The following OPCML variants were observed in gnomAD, a reference collection of about 807,000 sequenced individuals.
OPCML encodes the protein opioid binding protein/cell adhesion molecule like.
A neutral mutation model predicts 37.8 loss-of-function variants in OPCML; 13 were observed. That is an observed-to-expected ratio of 0.34 (90% CI 0.22 to 0.55). The LOEUF (loss-of-function observed/expected upper bound fraction) is 0.55, where lower values mean the gene tolerates loss of function less well. Ranked by LOEUF, OPCML falls within the 20% of genes least tolerant of loss-of-function variation. OPCML has a pLI of 0.91. For missense variants in OPCML, 341 were observed against 435.6 expected, an observed-to-expected ratio of 0.78 and a Z score of 1.93; for synonymous variants, 176 against 168.8, an observed-to-expected ratio of 1.04 and a Z score of -0.33.
At chr11:133,197,985 C>G (rs1255594084) in intron 1 of OPCML, among the ~76,000 whole-genome samples, 1 of 152,204 alleles carries the variant, frequency 6.6e-6, no homozygotes, top group African/African-American at 2.4e-5. Context: ...CTCACAAAAC[C>G]TATCAACCCA....
At chr11:133,429,463 AG>A (rs1270736093) in intron 1 of OPCML, among the ~76,000 whole-genome samples, 14 of 152,350 alleles carry the variant, frequency 9.2e-5, no homozygotes, top group Non-Finnish European at 1.9e-4. Flanking sequence ...GAGGCATGGC[AG>A]GATCTGATTT....
chr11:132,944,263 A>C (rs2136681782), intron 1 of OPCML, among the ~76,000 whole-genome samples: 1 of 152,266 alleles, frequency 6.6e-6, no homozygotes, highest in East Asian at 1.9e-4. Flanking sequence ...CTGAAAACTG[A>C]CACTGGCACC....
intron 3 of OPCML, among the ~76,000 whole-genome samples, chr11:132,554,863 GTTTTTTTTTT>G (rs5795789): frequency 7.8e-5 from 5 of 64,028 alleles, no homozygotes; most frequent in Admixed American, 3.0e-4. Context: ...ATGGGGTAAA[GTTTTTTTTTT>G]TTTTTTTTTT....
intron 1 of OPCML, among the ~76,000 whole-genome samples, chr11:133,094,531 A>T (rs528689316): frequency 1.3e-5 from 2 of 152,298 alleles, no homozygotes; most frequent in Admixed American, 6.5e-5. Flanking sequence ...GGTATTACTG[A>T]TGTTTTTACA....
At chr11:133,478,384 T>C (rs929658508) in intron 1 of OPCML, among the ~76,000 whole-genome samples, 1 of 152,172 alleles carries the variant, frequency 6.6e-6, no homozygotes, top group Non-Finnish European at 1.5e-5. Context: ...TAAGAGACTT[T>C]AGTGACCTGA....
At chr11:133,318,314 CAGT>C (rs2136613818) in intron 1 of OPCML, among the ~76,000 whole-genome samples, 1 of 152,330 alleles carries the variant, frequency 6.6e-6, no homozygotes, top group South Asian at 2.1e-4. Flanking sequence ...CCTGCAAAGT[CAGT>C]TTACGAAGAA....
chr11:132,922,163 C>A (rs1944829699), intron 2 of OPCML, among the ~76,000 whole-genome samples: 1 of 152,278 alleles, frequency 6.6e-6, no homozygotes. Flanking sequence ...TAGATGTGAG[C>A]CACTACCCCC....
intron 1 of OPCML, among the ~76,000 whole-genome samples, chr11:133,372,988 A>G (rs929838768): frequency 7.2e-5 from 11 of 152,180 alleles, no homozygotes; most frequent in Non-Finnish European, 1.5e-4. Context: ...TCTGTATACC[A>G]AAATACAAAA....
rs560551189 is a variant in OPCML, at chr11:133,057,036, G to C, written c.62-114026C>G. 5.8e-4 allele frequency among the ~76,000 whole-genome samples: 89 copies of C among 152,216 alleles called. 2 individuals carry two copies. The highest frequency in any genetic ancestry group is 2.0e-3 in the African/African-American group (85 of 41,530). ...TTTTGTATTTTTTAGTAGAGACGGG[G>C]TTTCTCCATGTTGGTCAGGCTGGTC... is the stretch of plus-strand genomic sequence containing the variant. On this transcript the variant is annotated intron_variant, in intron 1 of 7. Transcript: ENST00000524381.
At chr11:133,155,064 C>T (rs562407202) in intron 1 of OPCML, among the ~76,000 whole-genome samples, 2 of 152,068 alleles carry the variant, frequency 1.3e-5, no homozygotes, top group African/African-American at 4.8e-5. Flanking sequence ...AGGGGAAATT[C>T]ACCTCTTATG....
intron 1 of OPCML, among the ~76,000 whole-genome samples, chr11:133,448,700 G>A (rs1020962998): frequency 8.5e-5 from 13 of 152,056 alleles, no homozygotes; most frequent in African/African-American, 1.9e-4. Flanking sequence ...TCAGGTGATC[G>A]CCCGCCTCAG....
At chr11:132,494,962 C>T (rs1025128531) in intron 4 of OPCML, among the ~76,000 whole-genome samples, 7 of 151,628 alleles carry the variant, frequency 4.6e-5, no homozygotes, top group African/African-American at 1.7e-4. Flanking sequence ...TCAGACCCTA[C>T]AGGGAATACA....
At chr11:133,514,696 A>T (rs1243732081) in intron 1 of OPCML, among the ~76,000 whole-genome samples, 1 of 152,184 alleles carries the variant, frequency 6.6e-6, no homozygotes, top group Admixed American at 6.5e-5. Context: ...AACTGTACGT[A>T]GGTCTGCACT....
At chr11:133,490,007 C>T (rs1947621144) in intron 1 of OPCML, among the ~76,000 whole-genome samples, 1 of 152,020 alleles carries the variant, frequency 6.6e-6, no homozygotes, top group Non-Finnish European at 1.5e-5. Flanking sequence ...GAACTGGAGA[C>T]CATTATCGTA....
intron 1 of OPCML, among the ~76,000 whole-genome samples, chr11:133,384,262 A>AG (rs1374036088): frequency 2.4e-5 from 1 of 41,078 alleles, no homozygotes; most frequent in Non-Finnish European, 5.2e-5. Flanking sequence ...AAAAAAAAAA[A>AG]AAAGAAAAGA....
chr11:132,550,796 G>A (rs1402753264), intron 3 of OPCML, among the ~76,000 whole-genome samples: 2 of 152,228 alleles, frequency 1.3e-5, no homozygotes, highest in Non-Finnish European at 2.9e-5. Flanking sequence ...TTCTATGGCA[G>A]AAAGAATATT....
chr11:133,246,552 G>C (rs1367509602), intron 1 of OPCML, among the ~76,000 whole-genome samples: 12 of 152,172 alleles, frequency 7.9e-5, no homozygotes, highest in Admixed American at 7.9e-4. Context: ...GGAAGGGTGA[G>C]AATGCACACT....
At position 132,691,925 on chromosome 11, in the gene OPCML, G is replaced by C. The variant is rs367565221; in HGVS notation, c.147-34606C>G. On this transcript the variant is annotated intron_variant, in intron 2 of 7. Coordinates refer to ENST00000524381, the MANE Select transcript of OPCML (RefSeq NM_001012393.5). ...GTTGACAGTATCGACAGATTTGAGGGTGTTGATTAAGGGACTTGATATGGC... is the reference window on the plus strand; with the variant it reads ...GTTGACAGTATCGACAGATTTGAGGCTGTTGATTAAGGGACTTGATATGGC... 3.9e-5 allele frequency among the ~76,000 whole-genome samples: 6 copies of C among 152,278 alleles called. 1 individual carries two copies. The highest frequency in any genetic ancestry group is 3.9e-4 in the Admixed American group (6 of 15,306).
intron 3 of OPCML, among the ~76,000 whole-genome samples, chr11:132,548,223 G>T (rs2096373322): frequency 6.6e-6 from 1 of 152,172 alleles, no homozygotes; most frequent in South Asian, 2.1e-4. Flanking sequence ...GGTGCAGAGA[G>T]TAAAAGGATA....
Sources: allele counts gnomAD v4.1 joint callset (sites outside exome capture counted in the v4.1 genomes callset), GRCh38; gene constraint gnomAD v4.1.1; transcripts MANE v1.5; gene names NCBI Gene and HGNC (gene_info 2026-07-23, HGNC 2026-07-21).